The following HIRA variants were observed in gnomAD, a reference collection of about 807,000 sequenced individuals.
HIRA encodes the protein histone cell cycle regulator.
In HIRA, 13 loss-of-function variants were observed where a neutral mutation model predicts 126.6. The observed-to-expected ratio is 0.10, with a 90% confidence interval of 0.07 to 0.16. HIRA has a LOEUF of 0.16. Ranked by LOEUF, HIRA falls within the 10% of genes least tolerant of loss-of-function variation. The pLI, the probability that HIRA is intolerant of heterozygous loss-of-function variation, is 1.00. For missense variants in HIRA, 834 were observed against 1,314.4 expected, an observed-to-expected ratio of 0.63 and a Z score of 5.65; for synonymous variants, 511 against 520.0, an observed-to-expected ratio of 0.98 and a Z score of 0.24.
intron 9 of HIRA, 48 bp from the exon 10 acceptor site, chr22:19,388,602 T>C: frequency 6.8e-7 from 1 of 1,479,920 alleles, no homozygotes; most frequent in Non-Finnish European, 9.4e-7. Flanking sequence ...TGAAATCCCC[T>C]TCTGTATTCA....
At chr22:19,424,190 C>G (rs2146259419) in intron 1 of HIRA, among the ~76,000 whole-genome samples, 1 of 152,334 alleles carries the variant, frequency 6.6e-6, no homozygotes, top group East Asian at 1.9e-4. Context: ...GGAGCATATG[C>G]TCCCCCAGGG....
chr22:19,371,479 G>T (rs1222365432), intron 15 of HIRA, among the ~76,000 whole-genome samples: 1 of 151,636 alleles, frequency 6.6e-6, no homozygotes, highest in East Asian at 1.9e-4. Flanking sequence ...TTTTTATTGA[G>T]ATATATATAT....
intron 5 of HIRA, chr22:19,399,119 C>A (rs2089246785): frequency 5.1e-6 from 5 of 985,302 alleles, no homozygotes; most frequent in Non-Finnish European, 6.0e-6. Context: ...ATGGTGCCAA[C>A]CTTGCCTATC....
At chr22:19,348,521 A>T (rs1556009618) in intron 24 of HIRA, among the ~76,000 whole-genome samples, 1 of 151,618 alleles carries the variant, frequency 6.6e-6, no homozygotes, top group African/African-American at 2.4e-5. Context: ...TTTGAGACAG[A>T]GTCTCACCCT....
chr22:19,417,573 G>T (rs1411442632), intron 1 of HIRA, among the ~76,000 whole-genome samples: 2 of 152,086 alleles, frequency 1.3e-5, no homozygotes, highest in African/African-American at 4.8e-5. Context: ...AGTGGGCCAA[G>T]ATCCCGCCAC....
At chr22:19,415,405 T>C (rs183475706) in intron 1 of HIRA, among the ~76,000 whole-genome samples, 1 of 152,302 alleles carries the variant, frequency 6.6e-6, no homozygotes, top group East Asian at 1.9e-4. Flanking sequence ...ACTGAAACTA[T>C]AAAATATAAA....
intron 15 of HIRA, among the ~76,000 whole-genome samples, chr22:19,372,072 C>T (rs1404258064): frequency 6.6e-6 from 1 of 152,192 alleles, no homozygotes. Context: ...AAAGACTTTA[C>T]ATTCCTACCA....
intron 24 of HIRA, among the ~76,000 whole-genome samples, chr22:19,343,975 G>A (rs1266823153): frequency 6.6e-6 from 1 of 150,678 alleles, no homozygotes; most frequent in Non-Finnish European, 1.5e-5. Context: ...GCTTCCCAAA[G>A]TGCTGGGATT....
intron 17 of HIRA, 63 bp from the exon 18 acceptor site, chr22:19,359,547 A>C (rs902589204): frequency 7.0e-7 from 1 of 1,431,354 alleles, no homozygotes. Flanking sequence ...ACATGCTCCA[A>C]GGCTCTGTAG....
At chr22:19,420,771 C>T (rs1353581466) in intron 1 of HIRA, among the ~76,000 whole-genome samples, 1 of 152,062 alleles carries the variant, frequency 6.6e-6, no homozygotes, top group Non-Finnish European at 1.5e-5. Context: ...GATGGTTGCA[C>T]TAAAAGCCCA....
rs144607894 is a variant in HIRA, at chr22:19,429,462, G to C, written c.37+1978C>G. Among the ~76,000 whole-genome samples, 294 of 152,228 alleles carry C rather than the reference G, an allele frequency of 1.9e-3. 1 individual carries two copies. The highest frequency in any genetic ancestry group is 6.0e-3 in the African/African-American group (250 of 41,548). On this transcript the variant is annotated intron_variant, in intron 1 of 24. Transcript: ENST00000263208. Reference sequence around the variant, plus strand: ...CTTTTTATTATTACTTATTATCTCAGATTTCTAAAGCACTTAACAGTTTGG... The same window carrying C: ...CTTTTTATTATTACTTATTATCTCACATTTCTAAAGCACTTAACAGTTTGG...
In HIRA at chr22:19,377,994, A is replaced by G. The variant is rs769217852; in HGVS notation, c.1488T>C (p.His496=). 13 of 1,612,856 alleles carry G rather than the reference A, an allele frequency of 8.1e-6. No individual in the cohort carries two copies. Among genetic ancestry groups the G allele is most frequent in the Non-Finnish European group, 1.1e-5 (13 of 1,179,542 alleles). The change falls in exon 14 of 25, where the codon CAT becomes CAC. Residue 496 remains histidine, a synonymous_variant. Coordinates refer to ENST00000263208, the MANE Select transcript of HIRA (RefSeq NM_003325.4). The part of the protein sequence containing the change: ...GSLAGTMLSS[H]SSPQLLPLDS... ...CCAGTGGCAGTAGCTGTGGACTGCT[A>G]TGAGAAGAGAGCATGGTGCCCGCCA...
chr22:19,399,459 T>G (rs1012171950), intron 5 of HIRA, among the ~76,000 whole-genome samples: 3 of 152,132 alleles, frequency 2.0e-5, no homozygotes, highest in Admixed American at 6.5e-5. Context: ...CTGCATTCTA[T>G]GTGGTTGAGA....
At chr22:19,425,558 A>T (rs567118099) in intron 1 of HIRA, among the ~76,000 whole-genome samples, 9 of 152,250 alleles carry the variant, frequency 5.9e-5, no homozygotes, top group African/African-American at 1.2e-4. Flanking sequence ...AGTCCCTCCC[A>T]GCTGTGTAAC....
At chr22:19,336,100 G>A (rs1421635673) in intron 24 of HIRA, among the ~76,000 whole-genome samples, 1 of 152,104 alleles carries the variant, frequency 6.6e-6, no homozygotes, top group Non-Finnish European at 1.5e-5. Flanking sequence ...CAAAAAAAAA[G>A]TGACTCATGA....
At chr22:19,423,519 ACACACAT>A (rs1430308220) in intron 1 of HIRA, among the ~76,000 whole-genome samples, 3 of 88,342 alleles carry the variant, frequency 3.4e-5, no homozygotes, top group East Asian at 5.5e-4. Context: ...ACACACACAC[ACACACAT>A]ATTTTCAGCT....
intron 1 of HIRA, among the ~76,000 whole-genome samples, chr22:19,431,192 G>A (rs2089534484): frequency 6.6e-6 from 1 of 152,212 alleles, no homozygotes; most frequent in African/African-American, 2.4e-5. Flanking sequence ...CCACAGGTGG[G>A]CAGCGGAAGA....
chr22:19,415,048 C>T (rs1038966339), intron 1 of HIRA, among the ~76,000 whole-genome samples: 1 of 152,092 alleles, frequency 6.6e-6, no homozygotes, highest in Non-Finnish European at 1.5e-5. Context: ...TAAGTTCAAG[C>T]GATTCTCCTG....
chr22:19,338,057 G>A (rs1376773412), intron 24 of HIRA, among the ~76,000 whole-genome samples: 2 of 152,132 alleles, frequency 1.3e-5, no homozygotes, highest in Non-Finnish European at 2.9e-5. Context: ...CTCCCTAAGT[G>A]TTGGGATTAC....
Sources: gnomAD v4.1 joint callset for allele counts (sites outside exome capture counted in the v4.1 genomes callset) on GRCh38, gnomAD v4.1.1 for gene constraint, MANE v1.5 for transcripts, NCBI Gene and HGNC (gene_info 2026-07-23, HGNC 2026-07-21) for gene names.